CNOT2: variants seen among roughly 807,000 people sequenced by gnomAD.
The protein encoded by CNOT2 is CC chemokine receptor 4-negative regulator of transcription 2.
A neutral mutation model predicts 72.1 loss-of-function variants in CNOT2; 7 were observed. The observed-to-expected ratio is 0.10, with a 90% confidence interval of 0.06 to 0.18. The LOEUF (loss-of-function observed/expected upper bound fraction) is 0.18. CNOT2 is among the 10% of genes least tolerant of loss of function. The pLI, the probability that CNOT2 is intolerant of heterozygous loss-of-function variation, is 1.00. For synonymous variants in CNOT2, 196 were observed against 225.6 expected (o/e 0.87, Z 1.17); for missense variants, 345 against 660.3 (o/e 0.52, Z 5.23).
At chr12:70,297,052 T>G (rs1262490256) in intron 2 of CNOT2, among the ~76,000 whole-genome samples, 1 of 152,128 alleles carries the variant, frequency 6.6e-6, no homozygotes, top group African/African-American at 2.4e-5. Context: ...TCATCATTGG[T>G]TTCAGATGTT....
chr12:70,259,588 C>T (rs1264472055), intron 1 of CNOT2, among the ~76,000 whole-genome samples: 1 of 152,084 alleles, frequency 6.6e-6, no homozygotes, highest in Non-Finnish European at 1.5e-5. Flanking sequence ...TCTAGAGATT[C>T]GAACAAACGG....
intron 2 of CNOT2, among the ~76,000 whole-genome samples, chr12:70,293,325 T>G (rs1872260688): frequency 1.3e-5 from 2 of 152,000 alleles, no homozygotes; most frequent in Admixed American, 6.5e-5. Context: ...CATGCCCGGC[T>G]AATTTTGTAT....
chr12:70,334,162 T>C (rs1444179416), intron 7 of CNOT2, among the ~76,000 whole-genome samples: 3 of 151,996 alleles, frequency 2.0e-5, no homozygotes, highest in Admixed American at 6.6e-5. Flanking sequence ...CCTAAAGATA[T>C]GTATTAAAAG....
chr12:70,295,027 A>G (rs1260083241), intron 2 of CNOT2, among the ~76,000 whole-genome samples: 2 of 152,130 alleles, frequency 1.3e-5, no homozygotes, highest in African/African-American at 4.8e-5. Flanking sequence ...ATCATGATCT[A>G]AACATCACAG....
chr12:70,249,467 G>C (rs1225151102), intron 1 of CNOT2, among the ~76,000 whole-genome samples: 1 of 151,812 alleles, frequency 6.6e-6, no homozygotes, highest in Non-Finnish European at 1.5e-5. Context: ...ATTAGAAGTT[G>C]GGAATTATGA....
intron 11 of CNOT2, among the ~76,000 whole-genome samples, chr12:70,339,701 G>T (rs922323741): frequency 1.3e-5 from 2 of 152,002 alleles, no homozygotes; most frequent in Non-Finnish European, 2.9e-5. Flanking sequence ...TTACTCTTTT[G>T]CTCTCTTATG....
At chr12:70,265,317 TCTCTTC>T (rs1443052699) in intron 1 of CNOT2, among the ~76,000 whole-genome samples, 27 of 147,254 alleles carry the variant, frequency 1.8e-4, no homozygotes, top group Middle Eastern at 3.6e-3. Flanking sequence ...TCTCTTCTCT[TCTCTTC>T]TCTTTCTTTC....
At chr12:70,336,701 C>G (rs1880751665) in intron 8 of CNOT2, 2 of 151,998 alleles carry the variant, frequency 1.3e-5, no homozygotes, top group Admixed American at 6.6e-5. Context: ...TCAGTTCAGA[C>G]TCTAATGTTT....
intron 1 of CNOT2, among the ~76,000 whole-genome samples, chr12:70,266,944 T>A (rs1315942236): frequency 1.3e-5 from 2 of 151,766 alleles, no homozygotes; most frequent in Non-Finnish European, 2.9e-5. Flanking sequence ...TTTGCTTTTT[T>A]AAATTTTCTG....
intron 15 of CNOT2, among the ~76,000 whole-genome samples, chr12:70,352,835 C>T (rs945928932): frequency 2.6e-5 from 4 of 152,030 alleles, no homozygotes; most frequent in Non-Finnish European, 5.9e-5. Flanking sequence ...ATTATGTCAC[C>T]ATTCTTAAAT....
intron 11 of CNOT2, among the ~76,000 whole-genome samples, chr12:70,339,272 A>G (rs1387369389): frequency 6.6e-6 from 1 of 151,158 alleles, no homozygotes; most frequent in Non-Finnish European, 1.5e-5. Flanking sequence ...ATGCTTTCCG[A>G]CTTCCACTTT....
chr12:70,305,880 T>TTTG (rs1435664142), intron 2 of CNOT2, among the ~76,000 whole-genome samples: 1 of 147,798 alleles, frequency 6.8e-6, no homozygotes, highest in East Asian at 2.0e-4. Flanking sequence ...TTTGTTTTTT[T>TTTG]TTTTTTTTTT....
intron 3 of CNOT2, 90 bp from the exon 4 acceptor site, chr12:70,319,208 A>C: frequency 1.9e-6 from 2 of 1,033,120 alleles, no homozygotes; most frequent in Non-Finnish European, 2.8e-6. Context: ...AGATTTTCAC[A>C]TTTATGGTAT....
At chr12:70,328,033 C>T (rs1384438476) in intron 4 of CNOT2, among the ~76,000 whole-genome samples, 2 of 151,826 alleles carry the variant, frequency 1.3e-5, no homozygotes, top group African/African-American at 4.8e-5. Flanking sequence ...TGTAGACATA[C>T]ATAAAAGTGT....
At chr12:70,257,354 C>CT (rs34175539) in intron 1 of CNOT2, among the ~76,000 whole-genome samples, 5,505 of 128,232 alleles carry the variant, frequency 0.043, 223 homozygotes, top group East Asian at 0.11. Context: ...CAACTACCCC[C>CT]TTTTTTTTTT....
chr12:70,320,516 C>T (rs1878117158), intron 4 of CNOT2, among the ~76,000 whole-genome samples: 1 of 151,530 alleles, frequency 6.6e-6, no homozygotes, highest in Non-Finnish European at 1.5e-5. Flanking sequence ...TCCAATTAAA[C>T]CAAGAAACGT....
intron 2 of CNOT2, among the ~76,000 whole-genome samples, chr12:70,280,450 A>T (rs1056160574): frequency 2.6e-5 from 4 of 152,194 alleles, no homozygotes; most frequent in African/African-American, 4.8e-5. Flanking sequence ...TTGGATTTTT[A>T]AAAATTCTAC....
intron 1 of CNOT2, among the ~76,000 whole-genome samples, chr12:70,262,555 G>A (rs959902400): frequency 6.6e-6 from 1 of 152,240 alleles, no homozygotes. Flanking sequence ...GATTATAGGC[G>A]TGAGCCACGG....
chr12:70,288,612 A>G (rs1871328637), intron 2 of CNOT2, among the ~76,000 whole-genome samples: 1 of 152,294 alleles, frequency 6.6e-6, no homozygotes, highest in Middle Eastern at 3.4e-3. Context: ...ACACTTAAAA[A>G]TGTAACCTCT....
Sources: allele counts gnomAD v4.1 joint callset (sites outside exome capture counted in the v4.1 genomes callset), GRCh38; gene constraint gnomAD v4.1.1; transcripts MANE v1.5; gene names NCBI Gene and HGNC (gene_info 2026-07-23, HGNC 2026-07-21).